The following CPNE5 variants were observed in gnomAD, a reference collection of about 807,000 sequenced individuals.
CPNE5 encodes copine-5.
In CPNE5, 42 loss-of-function variants were observed where a neutral mutation model predicts 81.1. That is an observed-to-expected ratio of 0.52 (90% CI 0.40 to 0.67). The LOEUF is 0.67. Ranked by LOEUF, CPNE5 falls within the 30% of genes least tolerant of loss-of-function variation. The pLI is 0.00. For synonymous variants in CPNE5, 313 were observed against 321.5 expected (o/e 0.97, Z 0.28); for missense variants, 612 against 815.5 (o/e 0.75, Z 3.04).
chr6:36,760,671 G>A (rs1246417285), intron 12 of CPNE5, among the ~76,000 whole-genome samples: 2 of 152,332 alleles, frequency 1.3e-5, no homozygotes, highest in African/African-American at 2.4e-5. Context: ...GAGCCCCCAT[G>A]ATGGGAATAT....
chr6:36,785,931 T>C (rs1768492708), intron 8 of CPNE5, among the ~76,000 whole-genome samples: 1 of 146,002 alleles, frequency 6.8e-6, no homozygotes, highest in Non-Finnish European at 1.5e-5. Context: ...GAGAATTGCT[T>C]GAACCCGGGA....
intron 12 of CPNE5, chr6:36,757,383 G>C (rs1174622139): frequency 5.1e-6 from 5 of 985,026 alleles, no homozygotes; most frequent in Non-Finnish European, 6.0e-6. Context: ...GGTCTCTTCT[G>C]TCTGGGTGAG....
chr6:36,798,530 C>A (rs201316358), intron 4 of CPNE5, 36 bp from the exon 5 acceptor site: 2 of 1,607,536 alleles, frequency 1.2e-6, no homozygotes, highest in Non-Finnish European at 1.7e-6. Context: ...AAGGCAGCTG[C>A]GGACGTTCTG....
intron 20 of CPNE5, chr6:36,742,731 A>G (rs759284755): frequency 2.0e-6 from 2 of 985,420 alleles, no homozygotes; most frequent in Non-Finnish European, 2.4e-6. Context: ...ATTCCACACC[A>G]GGACACACCA....
At chr6:36,819,871 G>A (rs776051434) in intron 3 of CPNE5, among the ~76,000 whole-genome samples, 1 of 152,148 alleles carries the variant, frequency 6.6e-6, no homozygotes, top group Non-Finnish European at 1.5e-5. Context: ...GGCCAACAGG[G>A]CCACAGCTTC....
chr6:36,794,351 G>T (rs920097906), intron 7 of CPNE5, among the ~76,000 whole-genome samples: 1 of 152,130 alleles, frequency 6.6e-6, no homozygotes, highest in Non-Finnish European at 1.5e-5. Context: ...AGGAGCCACT[G>T]GGGCTTGAGA....
intron 8 of CPNE5, among the ~76,000 whole-genome samples, chr6:36,780,172 C>A (rs887776984): frequency 5.9e-5 from 9 of 152,106 alleles, no homozygotes; most frequent in African/African-American, 1.9e-4. Flanking sequence ...ACTGTGTTAG[C>A]CAAGATGGTC....
chr6:36,766,163 T>G lies in CPNE5; in HGVS notation c.738-787A>C, dbSNP rs963625522. 1.3e-5 allele frequency among the ~76,000 whole-genome samples: 2 copies of G among 151,918 alleles called. No homozygotes were observed. Among genetic ancestry groups the G allele is most frequent in the African/African-American group, 2.4e-5 (1 of 41,362 alleles). ...CCAGGGTCCCACAGCAGGGTCAGGT[T>G]TGGGGAGGTGGGAAGGGCCTGGGGA... On this transcript the variant is annotated intron_variant, in intron 10 of 20. Coordinates refer to ENST00000244751, the MANE Select transcript of CPNE5 (RefSeq NM_020939.2). The surrounding 1 kb of genome is among the most constrained non-coding windows in gnomAD (Gnocchi z 4.2).
chr6:36,755,391 C>G (rs1476026159), intron 13 of CPNE5: 5 of 152,244 alleles, frequency 3.3e-5, no homozygotes, highest in African/African-American at 7.2e-5. Flanking sequence ...ATGTGCTGTT[C>G]TCTACAGCAG....
At chr6:36,757,872 G>C (rs1273578928) in intron 12 of CPNE5, among the ~76,000 whole-genome samples, 1 of 152,192 alleles carries the variant, frequency 6.6e-6, no homozygotes, top group Non-Finnish European at 1.5e-5. Context: ...CCCAGGCCCA[G>C]TTTGATGGCA....
intron 3 of CPNE5, among the ~76,000 whole-genome samples, chr6:36,818,907 T>C (rs1771799201): frequency 6.6e-6 from 1 of 152,168 alleles, no homozygotes; most frequent in South Asian, 2.1e-4. Flanking sequence ...CCTTCATGAA[T>C]CACGAGGACA....
chr6:36,820,335 CTTTTTTTTTT>C (rs1163633243), intron 3 of CPNE5, among the ~76,000 whole-genome samples: 74 of 92,410 alleles, frequency 8.0e-4, no homozygotes, highest in African/African-American at 2.9e-3. Flanking sequence ...CTAATCCATT[CTTTTTTTTTT>C]TTTTTTTTTT....
intron 8 of CPNE5, among the ~76,000 whole-genome samples, chr6:36,787,767 C>T (rs943394597): frequency 2.6e-5 from 4 of 152,164 alleles, no homozygotes; most frequent in African/African-American, 9.7e-5. Flanking sequence ...TTATAACTCC[C>T]TTTGCAGGAG....
intron 20 of CPNE5, chr6:36,742,700 A>G: frequency 1.0e-6 from 1 of 984,564 alleles, no homozygotes. Flanking sequence ...TCTTTCATTC[A>G]CTCGACAAAA....
chr6:36,742,796 C>T (rs534963891), intron 20 of CPNE5: 16 of 985,450 alleles, frequency 1.6e-5, no homozygotes, highest in East Asian at 1.1e-4. Flanking sequence ...TAGGTGCTTC[C>T]GAAATGCCAA....
intron 14 of CPNE5, among the ~76,000 whole-genome samples, chr6:36,751,512 G>A (rs1764820892): frequency 6.6e-6 from 1 of 152,230 alleles, no homozygotes. Context: ...AGGATGGACT[G>A]GGTGTGGTGG....
intron 5 of CPNE5, 36 bp from the exon 6 acceptor site, chr6:36,798,277 C>T (rs1769775288): frequency 6.3e-7 from 1 of 1,592,494 alleles, no homozygotes; most frequent in African/African-American, 1.3e-5. Context: ...CCAGTGTCAC[C>T]CACTCTGCTC....
At position 36,800,026 on chromosome 6, in the gene CPNE5, G is replaced by A. The variant is rs574969645; in HGVS notation, c.228C>T (p.Phe76=). 77 of 1,613,976 alleles carry A rather than the reference G, an allele frequency of 4.8e-5. 2 individuals carry two copies. The Middle Eastern group carries it at 6.6e-4, about 14-fold the overall frequency. ...AGTAATCCACAATGAACTTGCGCAC[G>A]AAGTCAGGATTGAGCGTGTTGTCGA... ...EVIDNTLNPD[F]VRKFIVDYFF... is the part of the protein sequence containing the mutation. The change falls in exon 4 of 21, where the codon TTC becomes TTT. Residue 76 remains phenylalanine, a synonymous_variant. Transcript: ENST00000244751.
chr6:36,818,015 T>C lies in CPNE5; in HGVS notation c.183+4099A>G, dbSNP rs574811793. ...AGGATGCTACTGGGCCCCTGGGTTA[T>C]GTCTTCGCACGTCACTGAAACCTGA... On this transcript the variant is annotated intron_variant, in intron 3 of 20. Coordinates refer to ENST00000244751, the MANE Select transcript of CPNE5 (RefSeq NM_020939.2). 2.6e-5 allele frequency among the ~76,000 whole-genome samples: 4 copies of C among 152,282 alleles called. No homozygotes were observed. The South Asian group carries it at 8.3e-4, about 32-fold the overall frequency.
Sources: gnomAD v4.1 joint callset for allele counts (sites outside exome capture counted in the v4.1 genomes callset) on GRCh38, gnomAD v4.1.1 for gene constraint, Gnocchi (gnomAD v3.1) non-coding constraint, MANE v1.5 for transcripts, NCBI Gene and HGNC (gene_info 2026-07-23, HGNC 2026-07-21) for gene names.